The following DLC1 variants were observed in gnomAD, a reference collection of about 807,000 sequenced individuals.
The protein encoded by DLC1 is DLC1 Rho GTPase activating protein.
In DLC1, 54 loss-of-function variants were observed where a neutral mutation model predicts 140.3. The ratio of observed to expected loss-of-function variants is 0.38; its 90% CI spans 0.31 to 0.48. The LOEUF (loss-of-function observed/expected upper bound fraction) is 0.48. DLC1 is among the 20% of genes least tolerant of loss of function. The probability of loss-of-function intolerance (pLI) is 0.96; values close to 1 mark genes in which losing one functional copy is unlikely to be tolerated. For missense variants in DLC1, 2,536 were observed against 1,907.0 expected (o/e 1.33, Z -6.14); for synonymous variants, 986 against 728.1 (o/e 1.35, Z -5.70).
chr8:13,123,891 C>A (rs976318027), intron 5 of DLC1, among the ~76,000 whole-genome samples: 1 of 151,990 alleles, frequency 6.6e-6, no homozygotes, highest in African/African-American at 2.4e-5. Context: ...GACCAGGATC[C>A]CCAATAGGAA....
chr8:13,456,963 G>A (rs994194676), intron 2 of DLC1, among the ~76,000 whole-genome samples: 1 of 152,152 alleles, frequency 6.6e-6, no homozygotes, highest in African/African-American at 2.4e-5. Flanking sequence ...TTATTTTGTA[G>A]TTGTCATCAC....
chr8:13,391,140 C>G (rs1836742844), intron 4 of DLC1, among the ~76,000 whole-genome samples: 1 of 152,068 alleles, frequency 6.6e-6, no homozygotes, highest in African/African-American at 2.4e-5. Context: ...GAGAACTTTA[C>G]TAAATTATAG....
chr8:13,110,673 C>G, intron 7 of DLC1, 69 bp downstream of exon 7: 2 of 1,425,352 alleles, frequency 1.4e-6, no homozygotes, highest in African/African-American at 1.4e-5. Context: ...CAAACAAAGC[C>G]TATCTTTGTG....
intron 2 of DLC1, among the ~76,000 whole-genome samples, chr8:13,433,363 T>G (rs1012797367): frequency 6.6e-6 from 1 of 152,246 alleles, no homozygotes; most frequent in Non-Finnish European, 1.5e-5. Flanking sequence ...TTGGGGACTG[T>G]CACATTTCCA....
chr8:13,560,868 C>T (rs1804217506), intron 1 of DLC1, among the ~76,000 whole-genome samples: 1 of 152,054 alleles, frequency 6.6e-6, no homozygotes. Flanking sequence ...GGAGAGAGGC[C>T]TGGAACAGAT....
intron 4 of DLC1, among the ~76,000 whole-genome samples, chr8:13,333,399 T>C (rs1469396747): frequency 4.2e-5 from 3 of 72,180 alleles, no homozygotes. Flanking sequence ...CTGATTTTTG[T>C]TTGTTTGTTT....
At chr8:13,511,061 A>G (rs541335298) in intron 1 of DLC1, among the ~76,000 whole-genome samples, 1 of 152,100 alleles carries the variant, frequency 6.6e-6, no homozygotes, top group East Asian at 1.9e-4. Flanking sequence ...CTGGCAAGCT[A>G]GGTATTTTGC....
At chr8:13,432,908 T>C (rs913785533) in intron 2 of DLC1, among the ~76,000 whole-genome samples, 3 of 150,214 alleles carry the variant, frequency 2.0e-5, no homozygotes, top group African/African-American at 7.3e-5. Flanking sequence ...TGGGGAATTG[T>C]GCTGCTGTCC....
intron 2 of DLC1, among the ~76,000 whole-genome samples, chr8:13,476,468 G>GTTTT (rs11412815): frequency 1.8e-4 from 27 of 148,542 alleles, no homozygotes; most frequent in Admixed American, 2.0e-4. Context: ...ATACAGTGCA[G>GTTTT]TGTTTTTTTT....
intron 4 of DLC1, among the ~76,000 whole-genome samples, chr8:13,359,105 A>T (rs1835091402): frequency 6.6e-6 from 1 of 151,958 alleles, no homozygotes; most frequent in African/African-American, 2.4e-5. Flanking sequence ...CGCCCGGCTA[A>T]TTTTTTCGTA....
intron 1 of DLC1, among the ~76,000 whole-genome samples, chr8:13,529,909 A>T (rs534458187): frequency 6.6e-6 from 1 of 152,316 alleles, no homozygotes; most frequent in South Asian, 2.1e-4. Context: ...GTGAAGAGCT[A>T]GGGAAAGAAG....
intron 2 of DLC1, among the ~76,000 whole-genome samples, chr8:13,425,174 T>A (rs141327620): frequency 5.3e-5 from 8 of 151,580 alleles, no homozygotes; most frequent in African/African-American, 1.9e-4. Flanking sequence ...GCTCCATAGA[T>A]GCACGAGTCA....
At chr8:13,224,414 G>A (rs1828695064) in intron 5 of DLC1, among the ~76,000 whole-genome samples, 1 of 152,098 alleles carries the variant, frequency 6.6e-6, no homozygotes, top group Non-Finnish European at 1.5e-5. Context: ...TGTTTATTAA[G>A]GGCTTGAGAA....
chr8:13,389,832 T>G (rs1346608106), intron 4 of DLC1, among the ~76,000 whole-genome samples: 1 of 152,140 alleles, frequency 6.6e-6, no homozygotes, highest in African/African-American at 2.4e-5. Flanking sequence ...ACCTTAATTA[T>G]GGAATGAAGG....
chr8:13,169,416 A>G (rs1000283805), intron 5 of DLC1, among the ~76,000 whole-genome samples: 7 of 152,208 alleles, frequency 4.6e-5, no homozygotes, highest in African/African-American at 1.4e-4. Flanking sequence ...CCTATCTTGT[A>G]AGGTTTTATC....
chr8:13,351,061 A>G (rs947893227), intron 4 of DLC1, among the ~76,000 whole-genome samples: 28 of 152,322 alleles, frequency 1.8e-4, no homozygotes, highest in Non-Finnish European at 3.7e-4. Flanking sequence ...GTTTTCATGA[A>G]TAAGGTAGAG....
intron 5 of DLC1, among the ~76,000 whole-genome samples, chr8:13,162,483 C>T (rs192107447): frequency 6.1e-4 from 93 of 152,258 alleles, no homozygotes; most frequent in Middle Eastern, 3.4e-3. Flanking sequence ...CCACCAAACC[C>T]GGCTAATTTT....
chr8:13,207,191 A>T (rs537912549), intron 5 of DLC1, among the ~76,000 whole-genome samples: 1 of 152,194 alleles, frequency 6.6e-6, no homozygotes, highest in Non-Finnish European at 1.5e-5. Context: ...AATTTTGACA[A>T]ATTAATAATT....
chr8:13,449,540 C>T (rs987630619), intron 2 of DLC1, among the ~76,000 whole-genome samples: 3 of 152,014 alleles, frequency 2.0e-5, no homozygotes, highest in African/African-American at 4.8e-5. Flanking sequence ...AATCCTATTT[C>T]CCCATCATTC....
Sources: allele counts gnomAD v4.1 joint callset (sites outside exome capture counted in the v4.1 genomes callset), GRCh38; gene constraint gnomAD v4.1.1; transcripts MANE v1.5; gene names NCBI Gene and HGNC (gene_info 2026-07-23, HGNC 2026-07-21).